The following SENP6 variants were observed in gnomAD, a reference collection of about 807,000 sequenced individuals.
The protein encoded by SENP6 is SUMO specific peptidase 6.
Under a neutral mutation model 134.5 loss-of-function variants are expected in SENP6, and 41 were observed. That is an observed-to-expected ratio of 0.30 (90% CI 0.24 to 0.40). The LOEUF (loss-of-function observed/expected upper bound fraction) is 0.40. Among genes scored for constraint, SENP6 ranks in the 10% least tolerant of loss-of-function variants. The pLI, the probability that SENP6 is intolerant of heterozygous loss-of-function variation, is 1.00. For missense variants in SENP6, 1,248 were observed against 1,312.5 expected (o/e 0.95, Z 0.76); for synonymous variants, 395 against 429.8 (o/e 0.92, Z 1.00).
intron 7 of SENP6, among the ~76,000 whole-genome samples, chr6:75,658,463 T>G (rs2149859863): frequency 6.6e-6 from 1 of 152,262 alleles, no homozygotes; most frequent in Middle Eastern, 3.4e-3. Context: ...ATTCTTCACT[T>G]ATGTTTTAGA....
intron 20 of SENP6, among the ~76,000 whole-genome samples, chr6:75,710,777 C>G (rs1775704290): frequency 1.3e-5 from 2 of 152,048 alleles, no homozygotes; most frequent in South Asian, 4.1e-4. Context: ...ACCAAAAAAG[C>G]CTTGTTTATT....
At chr6:75,673,794 G>A (rs1243881605) in intron 11 of SENP6, among the ~76,000 whole-genome samples, 1 of 151,854 alleles carries the variant, frequency 6.6e-6, no homozygotes, top group East Asian at 1.9e-4. Flanking sequence ...GCTGAGGCAG[G>A]TGGATCACTT....
At chr6:75,682,581 G>C (rs1216855071) in intron 16 of SENP6, among the ~76,000 whole-genome samples, 3 of 151,980 alleles carry the variant, frequency 2.0e-5, no homozygotes, top group Non-Finnish European at 4.4e-5. Flanking sequence ...ACAGGCCCTG[G>C]TGTGTGATGT....
At position 75,602,341 on chromosome 6, in the gene SENP6, C is replaced by T. The variant is rs751220979; in HGVS notation, c.-184C>T. On this transcript the variant is annotated 5_prime_UTR_variant, in exon 1 of 24. Transcript: ENST00000447266. ...CTGCCCGCCAGCCCGCGGACAGGCC[C>T]GGGCGCGCCTGGCCTGCCTTTGTAT... The T allele has an allele frequency of 3.5e-6, 2 of 565,574 alleles. No homozygotes were observed. The highest frequency in any genetic ancestry group is 4.9e-5 in the South Asian group (2 of 40,796). 35.0% of individuals were successfully genotyped at this position (565,574 alleles called of 1,614,324 possible).
At chr6:75,664,095 C>G (rs985487) in intron 9 of SENP6, among the ~76,000 whole-genome samples, 167 of 151,924 alleles carry the variant, frequency 1.1e-3, no homozygotes, top group African/African-American at 3.8e-3. Context: ...GTGAATAATG[C>G]AAGCTACAGA....
At chr6:75,667,340 T>C (rs17414757) in intron 10 of SENP6, among the ~76,000 whole-genome samples, 37,007 of 152,062 alleles carry the variant, frequency 0.24, 5,852 homozygotes, top group Non-Finnish European at 0.36. Flanking sequence ...ATATGAACGA[T>C]GTCAATAGAC....
At chr6:75,710,569 G>A (rs1775690926) in intron 20 of SENP6, among the ~76,000 whole-genome samples, 1 of 152,060 alleles carries the variant, frequency 6.6e-6, no homozygotes, top group Non-Finnish European at 1.5e-5. Flanking sequence ...ACAATGTATG[G>A]CAACTAAATA....
In SENP6 at chr6:75,715,564, A is replaced by G. The variant is rs1775982959; in HGVS notation, c.3309A>G (p.Thr1103=). 1.2e-6 allele frequency: 2 copies of G among 1,612,844 alleles called. No individual in the cohort carries two copies. Among genetic ancestry groups the G allele is most frequent in the African/African-American group, 1.3e-5 (1 of 75,000 alleles). The change falls in exon 24 of 24, where the codon ACA becomes ACG. Residue 1103 remains threonine (T), a synonymous_variant. Transcript: ENST00000447266. ...CAGAAGCACCTTTAGGCGAAGGAACAGAACAATATGTCAATAGTATCTCAG... is the reference window on the plus strand; with the variant it reads ...CAGAAGCACCTTTAGGCGAAGGAACGGAACAATATGTCAATAGTATCTCAG... ...YSTEAPLGEG[T]EQYVNSISD is the part of the protein sequence containing the mutation.
intron 8 of SENP6, among the ~76,000 whole-genome samples, chr6:75,660,594 C>T (rs1451517423): frequency 6.6e-6 from 1 of 151,876 alleles, no homozygotes; most frequent in Non-Finnish European, 1.5e-5. Context: ...CACTTCTCTG[C>T]TTTTTAGTAT....
At chr6:75,711,123 G>A (rs1454600528) in intron 20 of SENP6, among the ~76,000 whole-genome samples, 1 of 152,170 alleles carries the variant, frequency 6.6e-6, no homozygotes, top group Admixed American at 6.5e-5. Context: ...ACCTCTGGTA[G>A]TTTATTTTCC....
At chr6:75,631,437 T>C (rs1174049144) in intron 3 of SENP6, among the ~76,000 whole-genome samples, 1 of 152,240 alleles carries the variant, frequency 6.6e-6, no homozygotes, top group Non-Finnish European at 1.5e-5. Context: ...AATAACTTGC[T>C]ATGCTTATTA....
intron 5 of SENP6, among the ~76,000 whole-genome samples, chr6:75,635,915 A>G (rs942212423): frequency 6.6e-6 from 1 of 152,180 alleles, no homozygotes; most frequent in African/African-American, 2.4e-5. Flanking sequence ...ATACTAACTT[A>G]AACCTTATAA....
At chr6:75,625,574 A>G (rs1007889811) in intron 3 of SENP6, among the ~76,000 whole-genome samples, 4 of 152,174 alleles carry the variant, frequency 2.6e-5, no homozygotes, top group Admixed American at 2.6e-4. Context: ...TGTTAATTTA[A>G]TAACTTATTT....
intron 1 of SENP6, among the ~76,000 whole-genome samples, chr6:75,604,474 T>C (rs1766873039): frequency 6.6e-6 from 1 of 151,430 alleles, no homozygotes; most frequent in Admixed American, 6.6e-5. Context: ...CTACTAAAAA[T>C]ACAAAAATTA....
chr6:75,661,923 G>A lies in SENP6; in HGVS notation c.697-1298G>A, dbSNP rs544823745. Among the ~76,000 whole-genome samples, 10 of 152,254 alleles carry A rather than the reference G, an allele frequency of 6.6e-5. No individual in the cohort carries two copies. The South Asian group carries it at 2.1e-3, about 32-fold the overall frequency. ...AAAAATTAGCTGAGCATGGTGGTGG[G>A]CACCTGTAGTCCCAGCTACTTGGGA... On this transcript the variant is annotated intron_variant, in intron 8 of 23. Coordinates refer to ENST00000447266, the MANE Select transcript of SENP6 (RefSeq NM_015571.4).
chr6:75,709,733 G>C, intron 20 of SENP6, 103 bp downstream of exon 20: 1 of 696,648 alleles, frequency 1.4e-6, no homozygotes, highest in Non-Finnish European at 2.4e-6. Flanking sequence ...GACTTGGGAG[G>C]CTAAGGCAGA....
chr6:75,657,416 AG>A (rs776552696), intron 7 of SENP6, among the ~76,000 whole-genome samples: 4 of 152,164 alleles, frequency 2.6e-5, no homozygotes, highest in Non-Finnish European at 5.9e-5. Flanking sequence ...GGAGAAAAAA[AG>A]CACTTTTTAG....
chr6:75,672,881 G>A (rs1321727310), intron 11 of SENP6, among the ~76,000 whole-genome samples: 2 of 152,100 alleles, frequency 1.3e-5, no homozygotes, highest in African/African-American at 4.8e-5. Context: ...AGGCTGGAGT[G>A]CAGTGGCGCA....
At chr6:75,603,525 A>G (rs1419902377) in intron 1 of SENP6, among the ~76,000 whole-genome samples, 1 of 152,252 alleles carries the variant, frequency 6.6e-6, no homozygotes, top group East Asian at 1.9e-4. Context: ...TTTTGCAAAG[A>G]TGATTTTCAT....
Sources: allele counts gnomAD v4.1 joint callset (sites outside exome capture counted in the v4.1 genomes callset), GRCh38; gene constraint gnomAD v4.1.1; transcripts MANE v1.5; gene names NCBI Gene and HGNC (gene_info 2026-07-23, HGNC 2026-07-21).